Variants in MLLT3 observed in about 807,000 individuals in gnomAD.
MLLT3 encodes the protein protein AF-9.
MLLT3 carries 4 observed loss-of-function variants against 53.2 expected under a neutral mutation model. That is an observed-to-expected ratio of 0.08 (90% CI 0.04 to 0.17). The LOEUF (loss-of-function observed/expected upper bound fraction) is 0.17. MLLT3 is among the 10% of genes least tolerant of loss of function. MLLT3 has a pLI of 1.00. For missense variants in MLLT3, 569 were observed against 684.0 expected (o/e 0.83, Z 1.87); for synonymous variants, 283 against 230.6 (o/e 1.23, Z -2.06).
chr9:20,602,124 T>C (rs1295825373), intron 2 of MLLT3, among the ~76,000 whole-genome samples: 1 of 152,066 alleles, frequency 6.6e-6, no homozygotes. Context: ...AATTTAAGAG[T>C]ACAAGTATTT....
Position 20,451,084 on chromosome 9 carries a change from T to A in MLLT3, c.277-2818A>T, listed in dbSNP as rs192744357. Reference sequence around the variant, plus strand: ...ACTAAGAATGATCATCATTACCACATAACACCATTCAGGTGTTTAAAAATA... The same window carrying A: ...ACTAAGAATGATCATCATTACCACAAAACACCATTCAGGTGTTTAAAAATA... On this transcript the variant is annotated intron_variant, in intron 3 of 10. Coordinates refer to ENST00000380338, the MANE Select transcript of MLLT3 (RefSeq NM_004529.4). Among the ~76,000 whole-genome samples the A allele has an allele frequency of 2.6e-5, 4 of 152,336 alleles. No individual in the cohort carries two copies. In the East Asian group the frequency reaches 5.8e-4, roughly 22 times the overall value.
chr9:20,613,764 G>C (rs1049625844), intron 2 of MLLT3, among the ~76,000 whole-genome samples: 1 of 152,050 alleles, frequency 6.6e-6, no homozygotes, highest in Non-Finnish European at 1.5e-5. Flanking sequence ...TTTTTAAGCT[G>C]TTAATTTCCA....
chr9:20,432,042 G>A (rs1823284338), intron 4 of MLLT3, among the ~76,000 whole-genome samples: 1 of 152,132 alleles, frequency 6.6e-6, no homozygotes, highest in African/African-American at 2.4e-5. Flanking sequence ...GATAGTTAGA[G>A]TGGTTTGTAA....
intron 3 of MLLT3, among the ~76,000 whole-genome samples, chr9:20,452,002 G>A (rs1255065059): frequency 6.6e-6 from 1 of 152,232 alleles, no homozygotes; most frequent in African/African-American, 2.4e-5. Flanking sequence ...GACCCTGACA[G>A]CTCAAATAAA....
chr9:20,529,165 T>C (rs1818268748), intron 2 of MLLT3, among the ~76,000 whole-genome samples: 1 of 152,204 alleles, frequency 6.6e-6, no homozygotes, highest in Admixed American at 6.5e-5. Flanking sequence ...GTATGCAGCC[T>C]AGGTTTGGTT....
intron 4 of MLLT3, among the ~76,000 whole-genome samples, chr9:20,421,319 A>T (rs756115045): frequency 6.6e-6 from 1 of 152,080 alleles, no homozygotes; most frequent in Admixed American, 6.6e-5. Flanking sequence ...GAAAACAATG[A>T]AAATAGCACT....
chr9:20,487,517 G>A (rs1395780783), intron 2 of MLLT3, among the ~76,000 whole-genome samples: 7 of 152,058 alleles, frequency 4.6e-5, no homozygotes, highest in Non-Finnish European at 8.8e-5. Context: ...CATGTCAAAC[G>A]TCAGAAAATT....
At chr9:20,576,270 A>T (rs1422829864) in intron 2 of MLLT3, among the ~76,000 whole-genome samples, 1 of 152,178 alleles carries the variant, frequency 6.6e-6, no homozygotes, top group East Asian at 1.9e-4. Context: ...TTGATCTTCT[A>T]TCCAGACCAC....
At chr9:20,418,589 C>T (rs1286849902) in intron 4 of MLLT3, among the ~76,000 whole-genome samples, 1 of 152,132 alleles carries the variant, frequency 6.6e-6, no homozygotes, top group African/African-American at 2.4e-5. Flanking sequence ...AGGATTTGCT[C>T]TGCTTGACCC....
At chr9:20,562,261 G>T (rs915030554) in intron 2 of MLLT3, among the ~76,000 whole-genome samples, 9 of 151,772 alleles carry the variant, frequency 5.9e-5, no homozygotes, top group African/African-American at 9.7e-5. Context: ...AGAACCAAAA[G>T]CAAAAATATA....
intron 2 of MLLT3, among the ~76,000 whole-genome samples, chr9:20,570,407 C>A (rs1819505020): frequency 1.3e-5 from 2 of 152,122 alleles, no homozygotes; most frequent in Non-Finnish European, 2.9e-5. Context: ...AGAAATGAAA[C>A]TAAAATTAAT....
Position 20,528,024 on chromosome 9 carries a change from C to G in MLLT3, c.194-71238G>C, listed in dbSNP as rs77541958. Among the ~76,000 whole-genome samples, 484 of 152,244 alleles carry G rather than the reference C, an allele frequency of 3.2e-3. 4 individuals carry two copies. The highest frequency in any genetic ancestry group is 0.011 in the African/African-American group (463 of 41,556). On this transcript the variant is annotated intron_variant, in intron 2 of 10. Transcript: ENST00000380338. ...AGTGCAATAGAAGTTTATTAAAATC[C>G]CTAATTATCTGTAACGTTTTTAGAA...
At chr9:20,577,796 T>C (rs1401830996) in intron 2 of MLLT3, among the ~76,000 whole-genome samples, 1 of 152,222 alleles carries the variant, frequency 6.6e-6, no homozygotes. Context: ...TTTTGCCAGC[T>C]AGGCTTTAGG....
chr9:20,514,513 T>A (rs545709728), intron 2 of MLLT3, among the ~76,000 whole-genome samples: 14 of 151,638 alleles, frequency 9.2e-5, no homozygotes, highest in Middle Eastern at 3.5e-3. Context: ...TTATTATTTT[T>A]TTATTTTTTT....
chr9:20,454,855 T>G (rs1335668847), intron 3 of MLLT3, among the ~76,000 whole-genome samples: 1 of 151,884 alleles, frequency 6.6e-6, no homozygotes, highest in Non-Finnish European at 1.5e-5. Flanking sequence ...GTGAGCAAAA[T>G]GAGATATGAA....
At chr9:20,567,498 C>T (rs761304242) in intron 2 of MLLT3, among the ~76,000 whole-genome samples, 3 of 152,080 alleles carry the variant, frequency 2.0e-5, no homozygotes, top group Non-Finnish European at 2.9e-5. Context: ...CTATGTCAAA[C>T]TCTGTTTTAG....
chr9:20,384,891 C>A (rs1821995812), intron 5 of MLLT3, among the ~76,000 whole-genome samples: 1 of 152,080 alleles, frequency 6.6e-6, no homozygotes, highest in Non-Finnish European at 1.5e-5. Context: ...ATAGCACTCC[C>A]CAGCCGCACC....
chr9:20,392,407 A>T (rs1232993520), intron 5 of MLLT3, among the ~76,000 whole-genome samples: 1 of 152,218 alleles, frequency 6.6e-6, no homozygotes, highest in Non-Finnish European at 1.5e-5. Flanking sequence ...TTTTCTATTA[A>T]TACAATCTTA....
intron 2 of MLLT3, among the ~76,000 whole-genome samples, chr9:20,569,061 C>T (rs1819457130): frequency 6.6e-6 from 1 of 152,110 alleles, no homozygotes; most frequent in South Asian, 2.1e-4. Flanking sequence ...TCCAACGTAA[C>T]CCTATGTGAG....
Sources: allele counts gnomAD v4.1 joint callset (sites outside exome capture counted in the v4.1 genomes callset), GRCh38; gene constraint gnomAD v4.1.1; transcripts MANE v1.5; gene names NCBI Gene and HGNC (gene_info 2026-07-23, HGNC 2026-07-21).